The following ABHD2 variants were observed in gnomAD, a reference collection of about 807,000 sequenced individuals.
ABHD2 encodes the protein monoacylglycerol lipase ABHD2.
A neutral mutation model predicts 48.1 loss-of-function variants in ABHD2; 20 were observed. That is an observed-to-expected ratio of 0.42 (90% confidence interval 0.29 to 0.60). The LOEUF (loss-of-function observed/expected upper bound fraction) is 0.60, where lower values mean the gene tolerates loss of function less well. Among genes scored for constraint, ABHD2 ranks in the 20% least tolerant of loss-of-function variants. The probability of loss-of-function intolerance (pLI) is 0.24; values close to 1 mark genes in which losing one functional copy is unlikely to be tolerated. For missense variants in ABHD2, 405 were observed against 550.9 expected (o/e 0.74, Z 2.65); for synonymous variants, 209 against 214.2 (o/e 0.98, Z 0.21).
the ABHD2 span, among the ~76,000 whole-genome samples, chr15:89,081,075 C>A: frequency 6.6e-6 from 1 of 150,996 alleles, no homozygotes; most frequent in African/African-American, 2.4e-5. Flanking sequence ...TCACAGTTCA[C>A]TGCAACCTCA....
At chr15:89,115,793 C>T (rs971185726) in intron 2 of ABHD2, among the ~76,000 whole-genome samples, 16 of 152,132 alleles carry the variant, frequency 1.1e-4, no homozygotes, top group African/African-American at 3.9e-4. Flanking sequence ...AGGGGTGAAG[C>T]CAGCAGGCAG....
chr15:89,099,090 TCA>T (rs1348928659), intron 1 of ABHD2, among the ~76,000 whole-genome samples: 2 of 152,158 alleles, frequency 1.3e-5, no homozygotes, highest in Non-Finnish European at 2.9e-5. Context: ...TAATAGTAAC[TCA>T]CAGCGGTTGT....
chr15:89,058,153 T>C, the ABHD2 span, among the ~76,000 whole-genome samples: 2 of 152,130 alleles, frequency 1.3e-5, no homozygotes, highest in Non-Finnish European at 2.9e-5. Context: ...AAAGACCAGG[T>C]TGACTTTTAG....
At chr15:89,086,048 T>C (rs77745089), upstream of ABHD2, among the ~76,000 whole-genome samples, 2 of 152,162 alleles carry the variant, frequency 1.3e-5, no homozygotes, top group Admixed American at 1.3e-4. Flanking sequence ...TTTTTTTTTT[T>C]CTGAGACAGA....
intron 5 of ABHD2, among the ~76,000 whole-genome samples, chr15:89,156,323 A>G (rs1323473651): frequency 6.7e-6 from 1 of 148,264 alleles, no homozygotes; most frequent in Non-Finnish European, 1.5e-5. Flanking sequence ...GGGTTTCACC[A>G]TGTTAGCCAG....
At chr15:89,135,146 T>TTC (rs1479265874) in intron 3 of ABHD2, among the ~76,000 whole-genome samples, 15 of 140,710 alleles carry the variant, frequency 1.1e-4, no homozygotes, top group Non-Finnish European at 1.4e-4. Flanking sequence ...ACTTTTTCTT[T>TTC]TTTTTTTTTT....
At chr15:89,046,988 T>C in the ABHD2 span, among the ~76,000 whole-genome samples, 1 of 152,004 alleles carries the variant, frequency 6.6e-6, no homozygotes, top group Non-Finnish European at 1.5e-5. Context: ...ATTGTGATGT[T>C]AGGGTTTCAA....
chr15:89,055,052 C>G, the ABHD2 span, among the ~76,000 whole-genome samples: 7 of 151,970 alleles, frequency 4.6e-5, no homozygotes, highest in Admixed American at 4.6e-4. Flanking sequence ...CTAGCAAGAC[C>G]CCATCTCTAT....
upstream of ABHD2, among the ~76,000 whole-genome samples, chr15:89,086,701 C>T (rs879294889): frequency 6.6e-6 from 1 of 152,248 alleles, no homozygotes; most frequent in Non-Finnish European, 1.5e-5. Context: ...TGTACCGGTC[C>T]ATGTTTTGAT....
intron 10 of ABHD2, among the ~76,000 whole-genome samples, chr15:89,193,722 G>T (rs2051344456): frequency 6.6e-6 from 1 of 152,168 alleles, no homozygotes; most frequent in Non-Finnish European, 1.5e-5. Context: ...GGCTGCAATG[G>T]GAGGATCGCT....
chr15:89,069,674 C>CTTTTTTTTTTTTTTTTTTTTTTTTTTTTT, the ABHD2 span, among the ~76,000 whole-genome samples: 3 of 52,900 alleles, frequency 5.7e-5, no homozygotes, highest in Non-Finnish European at 1.0e-4. Context: ...TTCATTTACT[C>CTTTTTTTTTTTTTTTTTTTTTTTTTTTTT]TTTTTTTTTT....
intron 1 of ABHD2, among the ~76,000 whole-genome samples, chr15:89,103,322 C>G (rs116867478): frequency 6.6e-6 from 1 of 152,064 alleles, no homozygotes; most frequent in Non-Finnish European, 1.5e-5. Context: ...TGAGGATATC[C>G]GTGCATATTT....
At chr15:89,049,705 C>A in the ABHD2 span, among the ~76,000 whole-genome samples, 1 of 152,240 alleles carries the variant, frequency 6.6e-6, no homozygotes, top group Non-Finnish European at 1.5e-5. Flanking sequence ...CTCCCTGACC[C>A]CTTGCACTTC....
the ABHD2 span, among the ~76,000 whole-genome samples, chr15:89,047,273 A>T: frequency 2.0e-5 from 3 of 150,536 alleles, no homozygotes; most frequent in African/African-American, 7.3e-5. Flanking sequence ...AGTTTGTTAT[A>T]ATTTCTGTTC....
chr15:89,147,385 G>A (rs905243337), intron 3 of ABHD2, among the ~76,000 whole-genome samples: 11 of 123,922 alleles, frequency 8.9e-5, no homozygotes, highest in Admixed American at 5.1e-4. Context: ...ACAGAGTCTC[G>A]CTCTTTCGCC....
Position 89,100,607 on chromosome 15 carries a change from C to T in ABHD2, c.-107+12044C>T, listed in dbSNP as rs1040581641. Among the ~76,000 whole-genome samples the T allele has an allele frequency of 1.3e-5, 2 of 152,140 alleles. No homozygotes were observed. The highest frequency in any genetic ancestry group is 4.8e-5 in the African/African-American group (2 of 41,418). ...CTTATTGGCCAGGCAAAGTGGCTCA[C>T]GCCTGTAATCCCAGCACTTTCGGAG... On this transcript the variant is annotated intron_variant, in intron 1 of 10. Coordinates refer to ENST00000352732, the MANE Select transcript of ABHD2 (RefSeq NM_152924.5). The surrounding 1 kb of genome is among the most constrained non-coding windows in gnomAD (Gnocchi z 4.4).
intron 3 of ABHD2, among the ~76,000 whole-genome samples, chr15:89,122,802 C>G (rs568023633): frequency 2.5e-4 from 38 of 152,330 alleles, no homozygotes; most frequent in South Asian, 6.2e-4. Flanking sequence ...CTTTTTCACT[C>G]GTTAGCAAGC....
At chr15:89,049,716 C>T in the ABHD2 span, among the ~76,000 whole-genome samples, 2 of 152,358 alleles carry the variant, frequency 1.3e-5, no homozygotes, top group East Asian at 3.9e-4. Flanking sequence ...CTTGCACTTC[C>T]CAAGTAAGGC....
the ABHD2 span, among the ~76,000 whole-genome samples, chr15:89,052,185 T>C: frequency 2.0e-5 from 3 of 152,214 alleles, no homozygotes; most frequent in Non-Finnish European, 4.4e-5. Context: ...ATGGGAGCCC[T>C]GTGGCCCACC....
Sources: allele counts gnomAD v4.1 joint callset (sites outside exome capture counted in the v4.1 genomes callset), GRCh38; gene constraint gnomAD v4.1.1; non-coding constraint Gnocchi (gnomAD v3.1); transcripts MANE v1.5; gene names NCBI Gene and HGNC (gene_info 2026-07-23, HGNC 2026-07-21).